UGGT2: variants seen among roughly 807,000 people sequenced by gnomAD.
The protein encoded by UGGT2 is UDP-glucose glycoprotein glucosyltransferase 2.
Under a neutral mutation model 192.1 loss-of-function variants are expected in UGGT2, and 180 were observed. The observed-to-expected ratio is 0.94, with a 90% CI of 0.83 to 1.06. The LOEUF is 1.06. UGGT2 is among the 50% of genes least tolerant of loss of function. The pLI, the probability that UGGT2 is intolerant of heterozygous loss-of-function variation, is 0.00. For missense variants in UGGT2, 1,849 were observed against 1,795.7 expected, an observed-to-expected ratio of 1.03 and a Z score of -0.54; for synonymous variants, 580 against 591.0, an observed-to-expected ratio of 0.98 and a Z score of 0.27.
intron 12 of UGGT2, among the ~76,000 whole-genome samples, chr13:95,962,991 A>G (rs763227071): frequency 6.6e-6 from 1 of 152,150 alleles, no homozygotes; most frequent in East Asian, 1.9e-4. Context: ...ATCAGATCTC[A>G]TAAGACTTAT....
intron 38 of UGGT2, among the ~76,000 whole-genome samples, chr13:95,831,906 A>G (rs998547018): frequency 3.9e-5 from 6 of 152,010 alleles, no homozygotes; most frequent in African/African-American, 1.4e-4. Flanking sequence ...CTTTAAAAAA[A>G]GTCATATCAT....
intron 20 of UGGT2, among the ~76,000 whole-genome samples, chr13:95,922,862 T>A (rs937900672): frequency 1.3e-5 from 2 of 151,908 alleles, no homozygotes; most frequent in African/African-American, 4.8e-5. Flanking sequence ...AACAAAAAAA[T>A]TTAAAAAAAG....
At chr13:95,895,334 T>C in intron 22 of UGGT2, 30 bp from the exon 23 acceptor site, 1 of 1,288,056 alleles carries the variant, frequency 7.8e-7, no homozygotes, top group Non-Finnish European at 1.1e-6. Flanking sequence ...TATTATCATA[T>C]ATCTTCTAGA....
At chr13:95,973,299 G>A (rs1330196293) in intron 10 of UGGT2, among the ~76,000 whole-genome samples, 2 of 152,094 alleles carry the variant, frequency 1.3e-5, no homozygotes, top group South Asian at 2.1e-4. Context: ...GTGATGGGGG[G>A]AATCTTAAGA....
At position 95,823,222 on chromosome 13, in the gene UGGT2, A is replaced by G. The variant is rs144057595; in HGVS notation, c.4528+9705T>C. Among the ~76,000 whole-genome samples, 351 of 152,100 alleles carry G rather than the reference A, an allele frequency of 2.3e-3. 5 individuals carry two copies. The highest frequency in any genetic ancestry group is 7.9e-3 in the African/African-American group (330 of 41,530). On this transcript the variant is annotated intron_variant, in intron 38 of 38. Transcript: ENST00000376747. ...TGTGGCCTATGTTGGAGAATGTTCC[A>G]TGTGCTAAGAAGAATGTATATTCTG...
intron 36 of UGGT2, among the ~76,000 whole-genome samples, chr13:95,839,688 T>C (rs777923422): frequency 5.9e-5 from 9 of 152,196 alleles, no homozygotes; most frequent in Non-Finnish European, 1.2e-4. Flanking sequence ...GTTAACTCTG[T>C]TAAACATTTT....
chr13:95,890,158 C>CTTGT, intron 25 of UGGT2, among the ~76,000 whole-genome samples: 1 of 152,322 alleles, frequency 6.6e-6, no homozygotes, highest in Middle Eastern at 3.4e-3. Flanking sequence ...CTCGGCTTCA[C>CTTGT]TTGTTTGGCT....
At chr13:95,862,822 G>A (rs532965479) in intron 31 of UGGT2, among the ~76,000 whole-genome samples, 87 of 152,250 alleles carry the variant, frequency 5.7e-4, no homozygotes, top group Non-Finnish European at 1.0e-3. Flanking sequence ...AACACCAGGT[G>A]TACTCCTGGA....
chr13:95,940,714 C>A (rs763379248), intron 15 of UGGT2, among the ~76,000 whole-genome samples: 1 of 149,984 alleles, frequency 6.7e-6, no homozygotes, highest in African/African-American at 2.4e-5. Context: ...TGCGGCCTCC[C>A]GAAGGGCTTG....
intron 2 of UGGT2, among the ~76,000 whole-genome samples, chr13:96,025,813 A>G (rs2052646738): frequency 6.6e-6 from 1 of 152,232 alleles, no homozygotes; most frequent in African/African-American, 2.4e-5. Context: ...AAGAACTAGA[A>G]AGAAAATAAT....
At chr13:95,908,752 GA>G (rs1470665515) in intron 20 of UGGT2, among the ~76,000 whole-genome samples, 1 of 139,130 alleles carries the variant, frequency 7.2e-6, no homozygotes, top group Non-Finnish European at 1.5e-5. Flanking sequence ...CTTCTTTTGA[GA>G]AGTGTCTGTT....
chr13:95,896,049 A>C (rs528623953), intron 22 of UGGT2, among the ~76,000 whole-genome samples: 1 of 152,188 alleles, frequency 6.6e-6, no homozygotes, highest in South Asian at 2.1e-4. Context: ...AGTACATAAC[A>C]ATCATTCTAA....
At chr13:95,957,010 A>G (rs1333847942) in intron 12 of UGGT2, among the ~76,000 whole-genome samples, 1 of 152,236 alleles carries the variant, frequency 6.6e-6, no homozygotes, top group African/African-American at 2.4e-5. Flanking sequence ...AAGGAACAAA[A>G]TTCTGATACA....
At chr13:95,831,455 CTTGT>C (rs1886678933) in intron 38 of UGGT2, among the ~76,000 whole-genome samples, 1 of 151,834 alleles carries the variant, frequency 6.6e-6, no homozygotes, top group Non-Finnish European at 1.5e-5. Context: ...ATACATTTAC[CTTGT>C]TTGTCTTGAA....
intron 38 of UGGT2, among the ~76,000 whole-genome samples, chr13:95,826,863 G>GA (rs1014352325): frequency 3.3e-5 from 5 of 150,460 alleles, no homozygotes; most frequent in South Asian, 2.1e-4. Flanking sequence ...GGCTTGTATG[G>GA]AAAAAAAACA....
chr13:96,018,354 A>T (rs946929207), intron 4 of UGGT2, among the ~76,000 whole-genome samples: 1 of 152,028 alleles, frequency 6.6e-6, no homozygotes, highest in Admixed American at 6.6e-5. Context: ...CGTCTCTACA[A>T]AAAATACAAA....
Position 96,006,611 on chromosome 13 carries a change from G to A in UGGT2, c.660+6696C>T, listed in dbSNP as rs1342075768. Among the ~76,000 whole-genome samples, 14 of 120,980 alleles carry A rather than the reference G, an allele frequency of 1.2e-4. No individual in the cohort carries two copies. In the East Asian group the frequency reaches 2.9e-3, roughly 25 times the overall value. 79.4% of individuals were successfully genotyped at this position (120,980 alleles called of 152,430 possible). ...TGCACTCAAGACTGGGTGACAGAGC[G>A]AGATTCTGCCTCAAAAAAAAAAAAA... On this transcript the variant is annotated intron_variant, in intron 5 of 38. Coordinates refer to ENST00000376747, the MANE Select transcript of UGGT2 (RefSeq NM_020121.4).
Position 95,908,957 on chromosome 13 carries a change from T to A in UGGT2, c.2296-5897A>T, listed in dbSNP as rs529361308. ...GCAGAAGCTCTTTAGTTTAATTAGA[T>A]CCCATTTGTCAATTTTGGCTTTTGT... On this transcript the variant is annotated intron_variant, in intron 20 of 38. Transcript: ENST00000376747. 2.8e-3 allele frequency among the ~76,000 whole-genome samples: 402 copies of A among 144,296 alleles called. 2 individuals carry two copies. The highest frequency in any genetic ancestry group is 1.0e-2 in the African/African-American group (386 of 38,732). 94.7% of individuals were successfully genotyped at this position (144,296 alleles called of 152,430 possible).
At chr13:95,953,723 T>A (rs1156679261) in intron 12 of UGGT2, among the ~76,000 whole-genome samples, 1 of 149,110 alleles carries the variant, frequency 6.7e-6, no homozygotes, top group Non-Finnish European at 1.5e-5. Flanking sequence ...TTAGCACTAT[T>A]TTCTACAAAA....
Sources: allele counts gnomAD v4.1 joint callset (sites outside exome capture counted in the v4.1 genomes callset), GRCh38; gene constraint gnomAD v4.1.1; transcripts MANE v1.5; gene names NCBI Gene and HGNC (gene_info 2026-07-23, HGNC 2026-07-21).